The following CADPS variants were observed in gnomAD, a reference collection of about 807,000 sequenced individuals.
CADPS encodes the protein calcium-dependent secretion activator 1.
CADPS carries 57 observed loss-of-function variants against 167.3 expected under a neutral mutation model. The ratio of observed to expected loss-of-function variants is 0.34; its 90% CI spans 0.28 to 0.42. The LOEUF (loss-of-function observed/expected upper bound fraction) is 0.42, where lower values mean the gene tolerates loss of function less well. Ranked by LOEUF, CADPS falls within the 20% of genes least tolerant of loss-of-function variation. The pLI, the probability that CADPS is intolerant of heterozygous loss-of-function variation, is 1.00. For synonymous variants in CADPS, 676 were observed against 635.3 expected (o/e 1.06, Z -0.96); for missense variants, 1,414 against 1,738.1 (o/e 0.81, Z 3.32).
At chr3:62,499,991 C>T (rs932121329) in intron 17 of CADPS, 1 of 152,104 alleles carries the variant, frequency 6.6e-6, no homozygotes, top group African/African-American at 2.4e-5. Flanking sequence ...TGTATTTTTA[C>T]CCAGCTCAAG....
intron 9 of CADPS, among the ~76,000 whole-genome samples, chr3:62,570,234 C>A (rs1410059940): frequency 6.8e-4 from 46 of 67,824 alleles, no homozygotes; most frequent in Admixed American, 2.9e-3. Flanking sequence ...TGGTTTGTTT[C>A]AGTTAAAAAA....
intron 29 of CADPS, among the ~76,000 whole-genome samples, chr3:62,400,605 T>TTTC (rs1559890682): frequency 5.6e-4 from 17 of 30,200 alleles, no homozygotes; most frequent in African/African-American, 9.2e-4. Flanking sequence ...TTTTTTCTTT[T>TTTC]TTTTTTTTTT....
chr3:62,786,804 A>G (rs2092480019), intron 1 of CADPS, among the ~76,000 whole-genome samples: 1 of 151,708 alleles, frequency 6.6e-6, no homozygotes, highest in East Asian at 2.0e-4. Flanking sequence ...TAAAGATGAA[A>G]CATTTATTGA....
chr3:62,697,662 G>C (rs372753885), intron 3 of CADPS, among the ~76,000 whole-genome samples: 1 of 152,160 alleles, frequency 6.6e-6, no homozygotes, highest in East Asian at 1.9e-4. Flanking sequence ...TCTACTTTTA[G>C]TTCTTTAAGG....
At chr3:62,599,287 T>A (rs555421359) in intron 6 of CADPS, among the ~76,000 whole-genome samples, 3 of 151,738 alleles carry the variant, frequency 2.0e-5, no homozygotes, top group African/African-American at 7.2e-5. Flanking sequence ...GTACTCACAC[T>A]GTATGACTAG....
chr3:62,579,300 T>C (rs993476981), intron 8 of CADPS, among the ~76,000 whole-genome samples: 2 of 152,158 alleles, frequency 1.3e-5, no homozygotes, highest in African/African-American at 4.8e-5. Flanking sequence ...TTTCTCTAAG[T>C]GTAAATGGGG....
chr3:62,818,942 G>T (rs1312464357), intron 1 of CADPS, among the ~76,000 whole-genome samples: 1 of 149,936 alleles, frequency 6.7e-6, no homozygotes, highest in Non-Finnish European at 1.5e-5. Context: ...ATCATACATT[G>T]TATGTTTCCA....
chr3:62,599,817 T>C (rs1316022497), intron 6 of CADPS, among the ~76,000 whole-genome samples: 1 of 6,762 alleles, frequency 1.5e-4, no homozygotes, highest in Non-Finnish European at 2.8e-4. Flanking sequence ...AAATAATATA[T>C]TATATATTAT....
chr3:62,545,174 T>C (rs1425930441), intron 11 of CADPS, among the ~76,000 whole-genome samples: 1 of 152,098 alleles, frequency 6.6e-6, no homozygotes, highest in Non-Finnish European at 1.5e-5. Context: ...TTAAAATGAC[T>C]CATTGCAAGT....
intron 3 of CADPS, among the ~76,000 whole-genome samples, chr3:62,695,650 A>G (rs770792631): frequency 6.6e-6 from 1 of 151,882 alleles, no homozygotes; most frequent in African/African-American, 2.4e-5. Flanking sequence ...ATTTGCCACC[A>G]TAACTGTTTT....
chr3:62,869,245 A>T (rs998114015), intron 1 of CADPS, among the ~76,000 whole-genome samples: 1 of 151,876 alleles, frequency 6.6e-6, no homozygotes, highest in African/African-American at 2.4e-5. Context: ...AGCTTTTTTC[A>T]TTCTGATATG....
chr3:62,410,913 T>C (rs548558920), intron 28 of CADPS, among the ~76,000 whole-genome samples: 3 of 152,246 alleles, frequency 2.0e-5, no homozygotes, highest in Admixed American at 2.0e-4. Context: ...GAGACCAGCC[T>C]GAGCAACACA....
At chr3:62,633,742 G>T (rs2065744712) in intron 6 of CADPS, among the ~76,000 whole-genome samples, 2 of 152,062 alleles carry the variant, frequency 1.3e-5, no homozygotes, top group South Asian at 4.1e-4. Flanking sequence ...CACAGCAGTG[G>T]TGCAGGGGCC....
chr3:62,646,221 A>C (rs940656519), intron 5 of CADPS, among the ~76,000 whole-genome samples: 7 of 149,240 alleles, frequency 4.7e-5, no homozygotes, highest in Non-Finnish European at 8.9e-5. Context: ...GAGTGGTGCA[A>C]TGGCGTGATC....
intron 22 of CADPS, 93 bp downstream of exon 22, chr3:62,481,628 ATC>A (rs1212257795): frequency 3.5e-6 from 4 of 1,128,950 alleles, no homozygotes. Flanking sequence ...ATCCATCTCC[ATC>A]TCTGTTATAT....
intron 6 of CADPS, among the ~76,000 whole-genome samples, chr3:62,636,881 T>C (rs2066415693): frequency 2.0e-5 from 3 of 152,132 alleles, no homozygotes; most frequent in Admixed American, 2.0e-4. Context: ...ATATGTCCTC[T>C]GGCTCTGGAA....
intron 3 of CADPS, among the ~76,000 whole-genome samples, chr3:62,668,614 C>A (rs2074932981): frequency 6.6e-6 from 1 of 152,180 alleles, no homozygotes; most frequent in Non-Finnish European, 1.5e-5. Context: ...ATGCACCTTT[C>A]CTTTCCCTTA....
intron 11 of CADPS, among the ~76,000 whole-genome samples, chr3:62,546,340 T>C (rs1187814021): frequency 6.6e-6 from 1 of 152,164 alleles, no homozygotes; most frequent in Non-Finnish European, 1.5e-5. Flanking sequence ...TTGCTCAGGA[T>C]TGAAGCGTTT....
At chr3:62,840,092 A>G (rs1416871853) in intron 1 of CADPS, among the ~76,000 whole-genome samples, 1 of 152,188 alleles carries the variant, frequency 6.6e-6, no homozygotes, top group African/African-American at 2.4e-5. Flanking sequence ...ATGTTCATGG[A>G]CTGCTTCATA....
Sources: gnomAD v4.1 joint callset for allele counts (sites outside exome capture counted in the v4.1 genomes callset) on GRCh38, gnomAD v4.1.1 for gene constraint, MANE v1.5 for transcripts, NCBI Gene and HGNC (gene_info 2026-07-23, HGNC 2026-07-21) for gene names.